The following ABL2 variants were observed in gnomAD, a reference collection of about 807,000 sequenced individuals.
ABL2 encodes tyrosine-protein kinase ABL2.
In ABL2, 49 loss-of-function variants were observed where a neutral mutation model predicts 107.7. That is an observed-to-expected ratio of 0.45 (90% CI 0.36 to 0.58). The LOEUF (loss-of-function observed/expected upper bound fraction) is 0.58. Ranked by LOEUF, ABL2 falls within the 20% of genes least tolerant of loss-of-function variation. The probability of loss-of-function intolerance (pLI) is 0.00; values close to 1 mark genes in which losing one functional copy is unlikely to be tolerated. For synonymous variants in ABL2, 549 were observed against 548.6 expected (o/e 1.00, Z -0.01); for missense variants, 1,245 against 1,457.0 (o/e 0.85, Z 2.37).
At position 179,204,416 on chromosome 1, in the gene ABL2, C is replaced by T. The variant is rs535348348; in HGVS notation, c.157+24825G>A. On this transcript the variant is annotated intron_variant, in intron 1 of 11. Coordinates refer to ENST00000502732, the MANE Select transcript of ABL2 (RefSeq NM_007314.4). ...CAGAGTTAAAAGTGAAAGTTCCCTC[C>T]GCATCTCTACTCCCACCCAGCAAGG... Among the ~76,000 whole-genome samples the T allele has an allele frequency of 6.6e-5, 10 of 152,200 alleles. No individual in the cohort carries two copies. The South Asian group carries it at 1.2e-3, about 19-fold the overall frequency.
At chr1:179,181,583 A>G (rs1421863956) in intron 1 of ABL2, among the ~76,000 whole-genome samples, 1 of 152,134 alleles carries the variant, frequency 6.6e-6, no homozygotes, top group Non-Finnish European at 1.5e-5. Flanking sequence ...AAAAGCAAAG[A>G]GCTAAATGTA....
At chr1:179,212,891 AC>A (rs1662356235) in intron 1 of ABL2, among the ~76,000 whole-genome samples, 1 of 150,196 alleles carries the variant, frequency 6.7e-6, no homozygotes. Context: ...TACTAAAAAT[AC>A]AAAATTAGCC....
chr1:179,134,992 G>A (rs915417379), intron 1 of ABL2, among the ~76,000 whole-genome samples: 8 of 152,250 alleles, frequency 5.3e-5, no homozygotes, highest in African/African-American at 1.2e-4. Context: ...TCGGCCTCCC[G>A]AGGTGCCGGG....
chr1:179,202,459 T>C (rs1661727294), intron 1 of ABL2, among the ~76,000 whole-genome samples: 1 of 152,260 alleles, frequency 6.6e-6, no homozygotes, highest in Non-Finnish European at 1.5e-5. Context: ...GAGTATGTTC[T>C]GTTCAACAGG....
chr1:179,190,086 G>C (rs1448372390), intron 1 of ABL2, among the ~76,000 whole-genome samples: 4 of 151,926 alleles, frequency 2.6e-5, no homozygotes, highest in African/African-American at 9.7e-5. Flanking sequence ...CAAAGTGCTG[G>C]GATTACAGGC....
intron 1 of ABL2, among the ~76,000 whole-genome samples, chr1:179,173,897 T>C (rs1659873398): frequency 6.6e-6 from 1 of 152,018 alleles, no homozygotes; most frequent in South Asian, 2.1e-4. Context: ...TGTGACTATA[T>C]AAAAGCAAAA....
Position 179,199,921 on chromosome 1 carries a change from G to C in ABL2, c.157+29320C>G, listed in dbSNP as rs192660949. On this transcript the variant is annotated intron_variant, in intron 1 of 11. Coordinates refer to ENST00000502732, the MANE Select transcript of ABL2 (RefSeq NM_007314.4). ...CAAAATTTAACTTTTGGTAGAGTCA[G>C]GGTCTCACTGTGTTGCCTAAGCTGG... Among the ~76,000 whole-genome samples, 712 of 151,662 alleles carry C rather than the reference G, an allele frequency of 4.7e-3. 5 individuals are homozygous for C. The highest frequency in any genetic ancestry group is 0.016 in the African/African-American group (671 of 41,358).
At chr1:179,121,556 G>A in intron 5 of ABL2, 39 bp downstream of exon 5, 1 of 1,592,374 alleles carries the variant, frequency 6.3e-7, no homozygotes, top group Non-Finnish European at 8.6e-7. Context: ...GAGCACAAAA[G>A]AAAAAGATGC....
intron 2 of ABL2, 113 bp downstream of exon 2, chr1:179,133,199 G>A (rs1318881659): frequency 1.3e-6 from 2 of 1,528,618 alleles, no homozygotes; most frequent in African/African-American, 1.4e-5. Flanking sequence ...TATCATATAT[G>A]AAAGGAAAAA....
intron 1 of ABL2, among the ~76,000 whole-genome samples, chr1:179,180,142 G>A (rs182930329): frequency 6.9e-4 from 105 of 151,576 alleles, no homozygotes; most frequent in African/African-American, 2.2e-3. Flanking sequence ...AAAAAAAGGG[G>A]GGAAATACTT....
intron 1 of ABL2, among the ~76,000 whole-genome samples, chr1:179,199,462 A>G (rs915546368): frequency 9.2e-5 from 14 of 151,802 alleles, no homozygotes; most frequent in Non-Finnish European, 2.9e-5. Flanking sequence ...CAGAAGAGAA[A>G]CACAAACTTT....
chr1:179,151,649 T>C (rs1337109650), intron 1 of ABL2, among the ~76,000 whole-genome samples: 1 of 152,196 alleles, frequency 6.6e-6, no homozygotes, highest in Admixed American at 6.5e-5. Flanking sequence ...ACAGCATTTT[T>C]CTCTTTTTCT....
chr1:179,143,988 G>T lies in ABL2; in HGVS notation c.158-10614C>A, dbSNP rs145210824. Among the ~76,000 whole-genome samples the T allele has an allele frequency of 5.5e-3, 839 of 152,178 alleles. 9 individuals are homozygous for T. The highest frequency in any genetic ancestry group is 0.019 in the African/African-American group (795 of 41,518). On this transcript the variant is annotated intron_variant, in intron 1 of 11. Coordinates refer to ENST00000502732, the MANE Select transcript of ABL2 (RefSeq NM_007314.4). ...TAGGATTACAGGCATGAGCCACCAT[G>T]CCCAGCCTGAGTGTTAAAAGTTTTT...
Position 179,108,476 on chromosome 1 carries a change from C to G in ABL2, c.2791G>C (p.Val931Leu), listed in dbSNP as rs763480632. The change falls in exon 12 of 12, where the codon GTG (valine) becomes CTG (leucine). Residue 931 changes from valine to leucine, a missense_variant. Physicochemically the swap from Val to Leu is conservative, Grantham distance 32. Around this residue, in one of 3 missense-constraint regions of ABL2, gnomAD observed 761 missense variants for 766.4 expected, o/e 0.99. Coordinates refer to ENST00000502732, the MANE Select transcript of ABL2 (RefSeq NM_007314.4). ...PVLPTTHNHK[V>L]PVLISPTLKH... ...AGAGTGGGTGAGATAAGGACTGGCA[C>G]TTTGTGGTTGTGAGTGGTTGGGAGG... The G allele has an allele frequency of 1.2e-6, 2 of 1,614,212 alleles. No homozygotes were observed. Among genetic ancestry groups the G allele is most frequent in the East Asian group, 2.2e-5 (1 of 44,890 alleles).
chr1:179,162,168 A>G (rs1659105317), intron 1 of ABL2, among the ~76,000 whole-genome samples: 1 of 152,246 alleles, frequency 6.6e-6, no homozygotes, highest in South Asian at 2.1e-4. Flanking sequence ...AAAGTAGGCT[A>G]AATAGATGTC....
At chr1:179,111,067 T>A (rs1654022761) in intron 10 of ABL2, among the ~76,000 whole-genome samples, 1 of 143,298 alleles carries the variant, frequency 7.0e-6, no homozygotes, top group Non-Finnish European at 1.5e-5. Context: ...CACTGCAACC[T>A]CTGCCTCCGA....
chr1:179,212,294 C>T (rs1662319202), intron 1 of ABL2, among the ~76,000 whole-genome samples: 2 of 152,228 alleles, frequency 1.3e-5, no homozygotes, highest in South Asian at 4.1e-4. Context: ...CAAACCACAT[C>T]ATCCTACTTG....
intron 1 of ABL2, among the ~76,000 whole-genome samples, chr1:179,219,042 C>G (rs1278960534): frequency 8.7e-6 from 1 of 115,224 alleles, no homozygotes; most frequent in Non-Finnish European, 1.9e-5. Context: ...GATAATCACA[C>G]TAAACAAGTT....
chr1:179,107,471 C>G lies in ABL2; in HGVS notation c.*247G>C. 1.8e-6 allele frequency: 1 copy of G among 568,758 alleles called. No homozygotes were observed. Among genetic ancestry groups the G allele is most frequent in the Non-Finnish European group, 2.8e-6 (1 of 354,170 alleles). 35.2% of individuals were successfully genotyped at this position (568,758 alleles called of 1,614,324 possible). ...TGACATACACATGTTCCCTATTTTC[C>G]AGTGCAGTTTCCAACCCTGTCCACT... is the stretch of plus-strand genomic sequence containing the variant. On this transcript the variant is annotated 3_prime_UTR_variant, in exon 12 of 12. Transcript: ENST00000502732.
Sources: gnomAD v4.1 joint callset for allele counts (sites outside exome capture counted in the v4.1 genomes callset) on GRCh38, gnomAD v4.1.1 for gene constraint, gnomAD v4.1.1 regional missense constraint, MANE v1.5 for transcripts, NCBI Gene and HGNC (gene_info 2026-07-23, HGNC 2026-07-21) for gene names.